Variants in MAS1 observed in about 807,000 individuals in gnomAD.
MAS1 encodes the protein MAS1 proto-oncogene, G protein-coupled receptor.
For synonymous variants in MAS1, 163 were observed against 164.2 expected, an observed-to-expected ratio of 0.99 and a Z score of 0.05; for missense variants, 387 against 409.7, an observed-to-expected ratio of 0.94 and a Z score of 0.48.
intron 2 of MAS1, chr6:159,902,363 G>A (rs1290606617): frequency 2.0e-5 from 3 of 152,112 alleles, no homozygotes; most frequent in African/African-American, 7.2e-5. Flanking sequence ...AGTCACATGA[G>A]GCTCCTGAGC....
chr6:159,894,418 C>CAAAAA (rs5881344), intron 1 of MAS1, among the ~76,000 whole-genome samples: 14 of 79,128 alleles, frequency 1.8e-4, no homozygotes, highest in African/African-American at 6.3e-4. Flanking sequence ...GACCCTGTCT[C>CAAAAA]AAAAAAAAAA....
chr6:159,893,718 A>C (rs563523094), intron 1 of MAS1, among the ~76,000 whole-genome samples: 1 of 152,354 alleles, frequency 6.6e-6, no homozygotes, highest in South Asian at 2.1e-4. Flanking sequence ...ATGTATGACT[A>C]TACATAAATG....
At chr6:159,891,301 A>C (rs779432362) in intron 1 of MAS1, among the ~76,000 whole-genome samples, 168 bp downstream of exon 1, 10 of 151,906 alleles carry the variant, frequency 6.6e-5, no homozygotes, top group Non-Finnish European at 1.2e-4. Context: ...GTTGGCAAAA[A>C]CTTCTCTTTC....
At chr6:159,890,746 C>A (rs990796230), upstream of MAS1, among the ~76,000 whole-genome samples, 1 of 152,208 alleles carries the variant, frequency 6.6e-6, no homozygotes, top group Non-Finnish European at 1.5e-5. Context: ...ACTACACATG[C>A]GGTTTTGCCC....
At chr6:159,894,528 G>T (rs1782733624) in intron 1 of MAS1, among the ~76,000 whole-genome samples, 1 of 152,098 alleles carries the variant, frequency 6.6e-6, no homozygotes, top group Non-Finnish European at 1.5e-5. Context: ...CAGGAAAGCA[G>T]GAGGAGAGCC....
In MAS1 at chr6:159,907,108, G is replaced by T; in HGVS notation, c.153G>T (p.Gly51=). The T allele has an allele frequency of 6.2e-7, 1 of 1,614,186 alleles. No homozygotes were observed. The highest frequency in any genetic ancestry group is 8.5e-7 in the Non-Finnish European group (1 of 1,180,022). ...SISPVGFVEN[G]ILLWFLCFRM... ...CCCCAGTGGGGTTTGTTGAGAATGG[G>T]ATTCTCCTCTGGTTCCTGTGCTTCC... The change falls in exon 3 of 3, where the codon GGG becomes GGT. Residue 51 remains glycine (G), a synonymous_variant. Transcript: ENST00000674077.
At chr6:159,906,737 G>T in intron 2 of MAS1, 183 bp from the exon 3 acceptor site, 1 of 527,936 alleles carries the variant, frequency 1.9e-6, no homozygotes, top group Middle Eastern at 5.1e-4. Flanking sequence ...TCAGGTCTAA[G>T]TTCCTTTCTT....
chr6:159,915,082 G>A lies in MAS1; in HGVS notation c.*7149G>A, dbSNP rs1399917031. ...GGAATCTATTTCTGTGGGGGGAATGGTTCCAGAGAATCTTCTATTCTGCCA... is the reference window on the plus strand; with the variant it reads ...GGAATCTATTTCTGTGGGGGGAATGATTCCAGAGAATCTTCTATTCTGCCA... On this transcript the variant is annotated 3_prime_UTR_variant, in exon 3 of 3. Coordinates refer to ENST00000674077, the MANE Select transcript of MAS1 (RefSeq NM_002377.4). 4 of 152,310 alleles carry A rather than the reference G, an allele frequency of 2.6e-5. No homozygotes were observed. In the East Asian group the frequency reaches 5.8e-4, roughly 22 times the overall value. The allele number at this position is 152,310 out of a possible 1,614,324, so 9.4% of individuals were successfully genotyped here. A position where few individuals can be genotyped will look rare whatever the true frequency, so the allele number is the denominator to read the frequency against.
At position 159,917,109 on chromosome 6, in the gene MAS1, T is replaced by C. The variant is rs1259196870; in HGVS notation, c.*9176T>C. ...TTCCCCATTCTGAAATGGTCTCCAGTGTGGCTGCAGCACGTCCATTTGACA... is the reference window on the plus strand; with the variant it reads ...TTCCCCATTCTGAAATGGTCTCCAGCGTGGCTGCAGCACGTCCATTTGACA... On this transcript the variant is annotated 3_prime_UTR_variant, in exon 3 of 3. Transcript: ENST00000674077. Among the ~76,000 whole-genome samples the C allele has an allele frequency of 1.3e-5, 2 of 152,208 alleles. No homozygotes were observed. The highest frequency in any genetic ancestry group is 2.9e-5 in the Non-Finnish European group (2 of 68,040).
At chr6:159,897,939 C>T (rs1782772540) in intron 1 of MAS1, among the ~76,000 whole-genome samples, 1 of 151,994 alleles carries the variant, frequency 6.6e-6, no homozygotes, top group Non-Finnish European at 1.5e-5. Context: ...GTTGGCCAGG[C>T]TAGAGTGCAG....
chr6:159,902,031 A>G (rs1782827712), intron 2 of MAS1: 1 of 152,094 alleles, frequency 6.6e-6, no homozygotes, highest in Non-Finnish European at 1.5e-5. Flanking sequence ...GGTCAGTAGT[A>G]AAAATAGAGC....
intron 1 of MAS1, among the ~76,000 whole-genome samples, chr6:159,898,049 G>A (rs376702148): frequency 6.6e-6 from 1 of 151,736 alleles, no homozygotes; most frequent in Non-Finnish European, 1.5e-5. Context: ...ATGCCACCAC[G>A]CCCGGATAAT....
rs1191132793 is a variant in MAS1 at position 159,910,309 on chromosome 6, A to G, written c.*2376A>G. 1 of 152,222 alleles carries G rather than the reference A, an allele frequency of 6.6e-6. No homozygotes were observed. Among genetic ancestry groups the G allele is most frequent in the Non-Finnish European group, 1.5e-5 (1 of 68,040 alleles). 9.4% of individuals were successfully genotyped at this position (152,222 alleles called of 1,614,324 possible). A position where few individuals can be genotyped will look rare whatever the true frequency, so the allele number is the denominator to read the frequency against. Reference sequence around the variant, plus strand: ...GGAAGCGGAAGCCGCTGTCTATGTCATAGGAGAAAGAGACACCGCATAACT... The same window carrying G: ...GGAAGCGGAAGCCGCTGTCTATGTCGTAGGAGAAAGAGACACCGCATAACT... On this transcript the variant is annotated 3_prime_UTR_variant, in exon 3 of 3. Coordinates refer to ENST00000674077, the MANE Select transcript of MAS1 (RefSeq NM_002377.4).
chr6:159,907,529 G>T lies in MAS1; in HGVS notation c.574G>T (p.Ala192Ser). ...CTGCCGAGCAGTCATCATCTTTATAGCCATCCTGAGCTTCCTGGTCTTCAC... is the reference window on the plus strand; with the variant it reads ...CTGCCGAGCAGTCATCATCTTTATATCCATCCTGAGCTTCCTGGTCTTCAC... ...NDCRAVIIFI[A>S]ILSFLVFTPL... is the part of the protein sequence containing the mutation. Residue 192 changes from alanine (A) to serine (S), a missense_variant, in exon 3 of 3, where the codon GCC becomes TCC. Transcript: ENST00000674077. The T allele has an allele frequency of 6.2e-7, 1 of 1,614,006 alleles. No homozygotes were observed. Among genetic ancestry groups the T allele is most frequent in the Non-Finnish European group, 8.5e-7 (1 of 1,180,006 alleles).
upstream of MAS1, among the ~76,000 whole-genome samples, chr6:159,890,796 C>T (rs1161306571): frequency 2.0e-5 from 3 of 152,206 alleles, no homozygotes; most frequent in Non-Finnish European, 2.9e-5. Context: ...TCTCTTTAGC[C>T]CTGGCTGGCC....
intron 2 of MAS1, among the ~76,000 whole-genome samples, chr6:159,905,451 C>T (rs1406847314): frequency 1.3e-5 from 2 of 152,206 alleles, no homozygotes; most frequent in African/African-American, 4.8e-5. Flanking sequence ...AGGGAAGTGT[C>T]AATGGGATAG....
chr6:159,894,935 G>A (rs946159612), intron 1 of MAS1, among the ~76,000 whole-genome samples: 1 of 151,942 alleles, frequency 6.6e-6, no homozygotes, highest in South Asian at 2.1e-4. Context: ...TTTTGGTTAT[G>A]GGTTTGGTAT....
intron 1 of MAS1, among the ~76,000 whole-genome samples, chr6:159,893,003 G>A (rs913786939): frequency 2.0e-5 from 3 of 152,190 alleles, no homozygotes; most frequent in African/African-American, 7.2e-5. Context: ...CAGCTCCCAG[G>A]CCAAGCAGCC....
intron 1 of MAS1, among the ~76,000 whole-genome samples, chr6:159,897,514 GT>G (rs1249709638): frequency 6.6e-6 from 1 of 152,210 alleles, no homozygotes; most frequent in African/African-American, 2.4e-5. Context: ...TGCCTAACTT[GT>G]TAGTCTTACA....
Sources: gnomAD v4.1 joint callset for allele counts (sites outside exome capture counted in the v4.1 genomes callset) on GRCh38, gnomAD v4.1.1 for gene constraint, MANE v1.5 for transcripts, NCBI Gene and HGNC (gene_info 2026-07-23, HGNC 2026-07-21) for gene names.